Variants in PROX1 observed in about 807,000 individuals in gnomAD.
The protein encoded by PROX1 is prospero homeobox 1, also known as prospero homeobox protein 1.
PROX1 carries 7 observed loss-of-function variants against 58.8 expected under a neutral mutation model. The ratio of observed to expected loss-of-function variants is 0.12; its 90% confidence interval spans 0.07 to 0.22. The LOEUF (loss-of-function observed/expected upper bound fraction) is 0.22, where lower values mean the gene tolerates loss of function less well. Ranked by LOEUF, PROX1 falls within the 10% of genes least tolerant of loss-of-function variation. The probability of loss-of-function intolerance (pLI) is 1.00; values close to 1 mark genes in which losing one functional copy is unlikely to be tolerated. For missense variants in PROX1, 675 were observed against 927.8 expected, an observed-to-expected ratio of 0.73 and a Z score of 3.54; for synonymous variants, 350 against 358.3, an observed-to-expected ratio of 0.98 and a Z score of 0.26.
Position 214,005,223 on chromosome 1 carries a change from C to A in PROX1, c.1784C>A (p.Thr595Asn). 2 of 1,613,770 alleles carry A rather than the reference C, an allele frequency of 1.2e-6. No homozygotes were observed. The highest frequency in any genetic ancestry group is 2.2e-5 in the South Asian group (2 of 91,052). Reference sequence around the variant, plus strand: ...AAAGCAAAGCTCATGTTTTTTTATACCCGTTATCCCAGCTCCAATATGCTG... The same window carrying A: ...AAAGCAAAGCTCATGTTTTTTTATAACCGTTATCCCAGCTCCAATATGCTG... ...LKKAKLMFFYTRYPSSNMLKT... is the reference protein window; with the variant it reads ...LKKAKLMFFYNRYPSSNMLKT... Residue 595 changes from threonine to asparagine, a missense_variant, in exon 3 of 5, where the codon ACC (threonine) becomes AAC (asparagine). Transcript: ENST00000366958.
chr1:214,003,594 T>A (rs1189894994), intron 2 of PROX1, among the ~76,000 whole-genome samples: 1 of 152,184 alleles, frequency 6.6e-6, no homozygotes, highest in Non-Finnish European at 1.5e-5. Flanking sequence ...CTTACAGATA[T>A]AAAATCAAAA....
upstream of PROX1, among the ~76,000 whole-genome samples, chr1:213,983,602 AAG>A (rs1662752693): frequency 6.6e-6 from 1 of 152,136 alleles, no homozygotes; most frequent in Non-Finnish European, 1.5e-5. Context: ...GCGACAGCAA[AAG>A]ATATGTGGAT....
intron 4 of PROX1, among the ~76,000 whole-genome samples, chr1:214,011,946 A>G (rs1413027710): frequency 1.3e-5 from 2 of 152,102 alleles, no homozygotes; most frequent in Non-Finnish European, 2.9e-5. Context: ...CTTGTGTGGA[A>G]GACTCATTTG....
At chr1:213,994,661 G>A (rs1663175660) in intron 1 of PROX1, among the ~76,000 whole-genome samples, 1 of 149,718 alleles carries the variant, frequency 6.7e-6, no homozygotes, top group Admixed American at 6.7e-5. Flanking sequence ...TGAACCCAAT[G>A]TTGTAGTTCT....
chr1:214,005,773 C>CAACT (rs1481766161), intron 3 of PROX1, among the ~76,000 whole-genome samples: 2 of 152,168 alleles, frequency 1.3e-5, no homozygotes, highest in Non-Finnish European at 2.9e-5. Flanking sequence ...CTCTTATTTA[C>CAACT]AACTTAATTT....
At chr1:214,015,020 G>A (rs1664044807) in intron 4 of PROX1, among the ~76,000 whole-genome samples, 1 of 152,154 alleles carries the variant, frequency 6.6e-6, no homozygotes, top group South Asian at 2.1e-4. Flanking sequence ...GCATTTCCTG[G>A]CCTTTATGAG....
Position 214,039,497 on chromosome 1 carries a change from C to T in PROX1, c.*3663C>T, listed in dbSNP as rs1183203708. 6.6e-6 allele frequency: 1 copy of T among 151,896 alleles called. No individual in the cohort carries two copies. The highest frequency in any genetic ancestry group is 1.5e-5 in the Non-Finnish European group (1 of 67,980). The allele number at this position is 151,896 out of a possible 1,614,324, so 9.4% of individuals were successfully genotyped here. Reference sequence around the variant, plus strand: ...CAGAAACACTAAAGCAAGAGGGGAACTTTTATAAAGCAATGTAAATATTTA... The same window carrying T: ...CAGAAACACTAAAGCAAGAGGGGAATTTTTATAAAGCAATGTAAATATTTA... On this transcript the variant is annotated 3_prime_UTR_variant, in exon 5 of 5. Coordinates refer to ENST00000366958, the MANE Select transcript of PROX1 (RefSeq NM_001270616.2).
At chr1:214,029,557 C>G (rs925111420) in intron 4 of PROX1, 3 of 152,114 alleles carry the variant, frequency 2.0e-5, no homozygotes, top group Non-Finnish European at 4.4e-5. Context: ...ATGGCATTAC[C>G]TATATATTTT....
chr1:214,016,624 C>T (rs1271679170), intron 4 of PROX1, among the ~76,000 whole-genome samples: 1 of 152,188 alleles, frequency 6.6e-6, no homozygotes, highest in East Asian at 1.9e-4. Context: ...TTTAAGAGAT[C>T]AAATGAATGT....
intron 1 of PROX1, among the ~76,000 whole-genome samples, chr1:213,989,243 C>T (rs1662929761): frequency 1.3e-5 from 2 of 151,706 alleles, no homozygotes; most frequent in African/African-American, 4.8e-5. Context: ...GGTGATGGGT[C>T]CCGGGAAACG....
At chr1:214,008,788 T>C (rs146871465) in intron 3 of PROX1, among the ~76,000 whole-genome samples, 3 of 152,310 alleles carry the variant, frequency 2.0e-5, no homozygotes, top group African/African-American at 4.8e-5. Flanking sequence ...GCCGACCTAG[T>C]TTAACTCCTA....
intron 3 of PROX1, among the ~76,000 whole-genome samples, chr1:214,006,498 G>T (rs1388498108): frequency 6.6e-6 from 1 of 152,192 alleles, no homozygotes; most frequent in Non-Finnish European, 1.5e-5. Flanking sequence ...GGGCAAGATG[G>T]GGAGGCAGGG....
At chr1:213,991,909 G>A (rs943641455) in intron 1 of PROX1, among the ~76,000 whole-genome samples, 1 of 152,196 alleles carries the variant, frequency 6.6e-6, no homozygotes, top group East Asian at 1.9e-4. Flanking sequence ...TGTGCATGAT[G>A]TATCATTATA....
rs182175922 is a variant in PROX1, at chr1:214,036,706, G to T, written c.*872G>T. 1 of 152,152 alleles carries T rather than the reference G, an allele frequency of 6.6e-6. No homozygotes were observed. Among genetic ancestry groups the T allele is most frequent in the South Asian group, 2.1e-4 (1 of 4,826 alleles). 9.4% of individuals were successfully genotyped at this position (152,152 alleles called of 1,614,324 possible). On this transcript the variant is annotated 3_prime_UTR_variant, in exon 5 of 5. Coordinates refer to ENST00000366958, the MANE Select transcript of PROX1 (RefSeq NM_001270616.2). ...TTTCCAATTTACGCTGCTCAACTTT[G>T]TTTATATGCTTAAAAGGATTCTGTT...
chr1:214,007,002 C>G (rs1396878664), intron 3 of PROX1, among the ~76,000 whole-genome samples: 1 of 152,216 alleles, frequency 6.6e-6, no homozygotes, highest in Admixed American at 6.5e-5. Context: ...TCTGAGCCAA[C>G]ACTACCCAAC....
At chr1:214,016,139 C>A (rs1168097356) in intron 4 of PROX1, among the ~76,000 whole-genome samples, 1 of 152,048 alleles carries the variant, frequency 6.6e-6, no homozygotes, top group Non-Finnish European at 1.5e-5. Context: ...TACTTCCGCA[C>A]ACCTTTGAAT....
chr1:213,998,218 T>C lies in PROX1; in HGVS notation c.1683T>C (p.Asp561=), dbSNP rs1363323718. 1 of 1,598,646 alleles carries C rather than the reference T, an allele frequency of 6.3e-7. No individual in the cohort carries two copies. The highest frequency in any genetic ancestry group is 2.2e-5 in the East Asian group (1 of 44,720). Residue 561 remains aspartate, a synonymous_variant, in exon 2 of 5, where the codon GAT becomes GAC. Transcript: ENST00000366958. The part of the protein sequence containing the change: ...SLSLIKSECG[D]LQDMSEISPY... Reference sequence around the variant, plus strand: ...CGCTCATAAAGTCCGAGTGCGGCGATCTTCAAGATATGTCTGAAATATCAC... The same window carrying C: ...CGCTCATAAAGTCCGAGTGCGGCGACCTTCAAGATATGTCTGAAATATCAC...
chr1:213,994,019 C>T (rs114143651), intron 1 of PROX1, among the ~76,000 whole-genome samples: 52 of 152,338 alleles, frequency 3.4e-4, no homozygotes, highest in African/African-American at 1.2e-3. Flanking sequence ...CACAGCCCTC[C>T]TCTTGGCTCC....
chr1:214,022,063 C>T (rs1377844170), intron 4 of PROX1, among the ~76,000 whole-genome samples: 1 of 152,112 alleles, frequency 6.6e-6, no homozygotes, highest in Non-Finnish European at 1.5e-5. Flanking sequence ...TAAAACATCC[C>T]CTTGAAATCT....
Sources: allele counts gnomAD v4.1 joint callset (sites outside exome capture counted in the v4.1 genomes callset), GRCh38; gene constraint gnomAD v4.1.1; transcripts MANE v1.5; gene names NCBI Gene and HGNC (gene_info 2026-07-23, HGNC 2026-07-21).